Variants in FBXL7 observed in about 807,000 individuals in gnomAD.
FBXL7 encodes the protein F-box/LRR-repeat protein 7.
A neutral mutation model predicts 38.3 loss-of-function variants in FBXL7; 12 were observed. The observed-to-expected ratio is 0.31, with a 90% CI of 0.20 to 0.51. The LOEUF is 0.51. Ranked by LOEUF, FBXL7 falls within the 20% of genes least tolerant of loss-of-function variation. FBXL7 has a pLI of 0.98. For synonymous variants in FBXL7, 297 were observed against 300.9 expected, an observed-to-expected ratio of 0.99 and a Z score of 0.13; for missense variants, 567 against 676.4, an observed-to-expected ratio of 0.84 and a Z score of 1.79.
At chr5:15,899,356 C>T (rs1038307772) in intron 2 of FBXL7, among the ~76,000 whole-genome samples, 2 of 152,172 alleles carry the variant, frequency 1.3e-5, no homozygotes, top group African/African-American at 2.4e-5. Context: ...CGTGAGCCAC[C>T]GCGCCTGGCC....
chr5:15,866,270 A>G (rs1327687104), intron 2 of FBXL7, among the ~76,000 whole-genome samples: 1 of 152,198 alleles, frequency 6.6e-6, no homozygotes, highest in Non-Finnish European at 1.5e-5. Flanking sequence ...GCAACTGTGG[A>G]ATTATTAGCT....
In FBXL7 at chr5:15,936,324, C is replaced by A; in HGVS notation, c.740-126C>A. The A allele has an allele frequency of 8.9e-7, 1 of 1,126,234 alleles. No individual in the cohort carries two copies. The highest frequency in any genetic ancestry group is 1.2e-6 in the Non-Finnish European group (1 of 810,802). 69.8% of individuals were successfully genotyped at this position (1,126,234 alleles called of 1,614,324 possible). ...CATTTCCTCTCTATAGAGACCAAGA[C>A]AGGAAAGGGTAACATCAGCCTCGGA... On this transcript the variant is annotated intron_variant, in intron 3 of 3. Transcript: ENST00000504595. The surrounding 1 kb of genome is among the most constrained non-coding windows in gnomAD (Gnocchi z 6.0).
At chr5:15,662,775 G>A (rs932667929) in intron 2 of FBXL7, among the ~76,000 whole-genome samples, 1 of 152,118 alleles carries the variant, frequency 6.6e-6, no homozygotes, top group African/African-American at 2.4e-5. Flanking sequence ...CCTATTGTTT[G>A]TTTTTGTCAG....
chr5:15,776,110 GTAAA>G (rs961735726), intron 2 of FBXL7, among the ~76,000 whole-genome samples: 6 of 151,990 alleles, frequency 3.9e-5, no homozygotes, highest in African/African-American at 1.4e-4. Context: ...TAACTAGGCA[GTAAA>G]TAAATAAAAA....
At chr5:15,846,857 A>G (rs908597182) in intron 2 of FBXL7, among the ~76,000 whole-genome samples, 27 of 152,242 alleles carry the variant, frequency 1.8e-4, no homozygotes, top group African/African-American at 6.5e-4. Flanking sequence ...TGATGTAAAA[A>G]GTTAATTCAC....
chr5:15,577,329 A>AG (rs1268974495), intron 1 of FBXL7, among the ~76,000 whole-genome samples: 1 of 151,926 alleles, frequency 6.6e-6, no homozygotes, highest in East Asian at 1.9e-4. Flanking sequence ...CCCCAGGGGC[A>AG]GGGGGGCATT....
At chr5:15,654,209 A>G (rs909146073) in intron 2 of FBXL7, among the ~76,000 whole-genome samples, 14 of 152,164 alleles carry the variant, frequency 9.2e-5, no homozygotes, top group African/African-American at 2.9e-4. Context: ...ACTTCTTGTA[A>G]TACTCCTGAA....
At chr5:15,632,674 C>T (rs1374030439) in intron 2 of FBXL7, among the ~76,000 whole-genome samples, 1 of 152,128 alleles carries the variant, frequency 6.6e-6, no homozygotes, top group Non-Finnish European at 1.5e-5. Flanking sequence ...TACACCATAC[C>T]ATACTATGCA....
chr5:15,543,818 T>G (rs1372903623), intron 1 of FBXL7, among the ~76,000 whole-genome samples: 1 of 152,208 alleles, frequency 6.6e-6, no homozygotes, highest in Non-Finnish European at 1.5e-5. Flanking sequence ...TCCAACTGTT[T>G]TGAAATGGTT....
chr5:15,669,972 A>G (rs1446786088), intron 2 of FBXL7, among the ~76,000 whole-genome samples: 1 of 152,174 alleles, frequency 6.6e-6, no homozygotes, highest in African/African-American at 2.4e-5. Flanking sequence ...GCTTTCAGAG[A>G]CATCATTTGG....
At chr5:15,721,068 A>G (rs1338925871) in intron 2 of FBXL7, among the ~76,000 whole-genome samples, 2 of 152,148 alleles carry the variant, frequency 1.3e-5, no homozygotes, top group African/African-American at 2.4e-5. Context: ...CAATTATGCA[A>G]TTTTGCTCTT....
At chr5:15,825,597 A>G (rs1579496803) in intron 2 of FBXL7, among the ~76,000 whole-genome samples, 1 of 152,206 alleles carries the variant, frequency 6.6e-6, no homozygotes, top group African/African-American at 2.4e-5. Flanking sequence ...TATCAGAAAT[A>G]CTAATTATTC....
intron 2 of FBXL7, among the ~76,000 whole-genome samples, chr5:15,655,925 TC>T (rs1741867156): frequency 6.6e-6 from 1 of 152,238 alleles, no homozygotes; most frequent in Admixed American, 6.5e-5. Context: ...CAAAGTACTT[TC>T]CCTGCCAGAA....
chr5:15,715,766 G>A (rs1280373681), intron 2 of FBXL7, among the ~76,000 whole-genome samples: 1 of 152,126 alleles, frequency 6.6e-6, no homozygotes, highest in East Asian at 1.9e-4. Context: ...CTTAATTTGT[G>A]CTTCATAATA....
At chr5:15,787,988 G>A (rs1160524896) in intron 2 of FBXL7, among the ~76,000 whole-genome samples, 2 of 152,166 alleles carry the variant, frequency 1.3e-5, no homozygotes, top group Admixed American at 1.3e-4. Flanking sequence ...CCCTTTGAAT[G>A]CTCTAGAGGA....
At chr5:15,503,274 A>G (rs1363319496) in intron 1 of FBXL7, among the ~76,000 whole-genome samples, 3 of 152,174 alleles carry the variant, frequency 2.0e-5, no homozygotes, top group African/African-American at 7.2e-5. Context: ...TACAAAAAGT[A>G]TCCAGGCGTG....
chr5:15,738,396 G>A (rs2126671958), intron 2 of FBXL7, among the ~76,000 whole-genome samples: 1 of 152,298 alleles, frequency 6.6e-6, no homozygotes, highest in East Asian at 1.9e-4. Context: ...AAGCCCTGAT[G>A]TTTCAGTGGG....
At chr5:15,520,680 C>G (rs1461924043) in intron 1 of FBXL7, among the ~76,000 whole-genome samples, 1 of 152,164 alleles carries the variant, frequency 6.6e-6, no homozygotes, top group African/African-American at 2.4e-5. Context: ...GGAAATATTT[C>G]CGATATTTGC....
chr5:15,669,248 T>A (rs1742383846), intron 2 of FBXL7, among the ~76,000 whole-genome samples: 1 of 152,210 alleles, frequency 6.6e-6, no homozygotes. Context: ...CTTATTGAGG[T>A]ATGATTGACC....
Sources: gnomAD v4.1 joint callset for allele counts (sites outside exome capture counted in the v4.1 genomes callset) on GRCh38, gnomAD v4.1.1 for gene constraint, Gnocchi (gnomAD v3.1) non-coding constraint, MANE v1.5 for transcripts, NCBI Gene and HGNC (gene_info 2026-07-23, HGNC 2026-07-21) for gene names.